CLCN3: variants seen among roughly 807,000 people sequenced by gnomAD.
CLCN3 encodes the protein Cl-/H+ antiporter 3, also known as H(+)/Cl(-) exchange transporter 3.
A neutral mutation model predicts 83.4 loss-of-function variants in CLCN3; 16 were observed. That is an observed-to-expected ratio of 0.19 (90% confidence interval 0.13 to 0.29). The LOEUF (loss-of-function observed/expected upper bound fraction) is 0.29, where lower values mean the gene tolerates loss of function less well. CLCN3 is among the 10% of genes least tolerant of loss of function. The pLI is 1.00. For synonymous variants in CLCN3, 322 were observed against 346.2 expected (o/e 0.93, Z 0.78); for missense variants, 544 against 1,006.0 (o/e 0.54, Z 6.21).
chr4:169,717,881 T>G, intron 12 of CLCN3: 1 of 1,555,988 alleles, frequency 6.4e-7, no homozygotes, highest in Non-Finnish European at 8.9e-7. Flanking sequence ...ATTAGATATA[T>G]CAGATCTCCT....
At chr4:169,667,225 C>G (rs1731277978) in intron 2 of CLCN3, among the ~76,000 whole-genome samples, 1 of 151,848 alleles carries the variant, frequency 6.6e-6, no homozygotes, top group African/African-American at 2.4e-5. Context: ...AGCCAGTTGT[C>G]CCAGCATCAT....
intron 2 of CLCN3, among the ~76,000 whole-genome samples, chr4:169,672,069 G>A (rs533266777): frequency 2.6e-4 from 39 of 152,018 alleles, no homozygotes; most frequent in Admixed American, 9.8e-4. Context: ...AAAATTAGCC[G>A]GGCGTGGTGG....
chr4:169,627,099 C>T (rs549048141), intron 1 of CLCN3, among the ~76,000 whole-genome samples: 2 of 152,162 alleles, frequency 1.3e-5, no homozygotes, highest in South Asian at 2.1e-4. Context: ...TCATGGTTTC[C>T]CCTGTGTATA....
intron 2 of CLCN3, among the ~76,000 whole-genome samples, chr4:169,659,262 A>C (rs767273587): frequency 6.6e-6 from 1 of 152,178 alleles, no homozygotes; most frequent in Non-Finnish European, 1.5e-5. Flanking sequence ...TCTGATCTTC[A>C]ATAAGCATTG....
intron 1 of CLCN3, among the ~76,000 whole-genome samples, chr4:169,621,287 GAAT>G (rs1293233373): frequency 6.6e-6 from 1 of 152,188 alleles, no homozygotes; most frequent in Non-Finnish European, 1.5e-5. Flanking sequence ...AAGGACCTCT[GAAT>G]AAAATGGAAG....
chr4:169,676,608 A>T, intron 2 of CLCN3, among the ~76,000 whole-genome samples: 1 of 148,084 alleles, frequency 6.8e-6, no homozygotes, highest in Non-Finnish European at 1.5e-5. Flanking sequence ...AACTTAGCCT[A>T]CTGAGTAGCT....
intron 12 of CLCN3, among the ~76,000 whole-genome samples, chr4:169,716,520 A>T (rs1279428240): frequency 6.6e-6 from 1 of 152,186 alleles, no homozygotes; most frequent in Non-Finnish European, 1.5e-5. Flanking sequence ...TGGCTTAAAA[A>T]AAAGAAATCT....
chr4:169,692,357 T>A, intron 7 of CLCN3, 37 bp downstream of exon 7: 1 of 1,020,330 alleles, frequency 9.8e-7, no homozygotes, highest in Non-Finnish European at 1.5e-6. Flanking sequence ...CTGAAAAATA[T>A]ATATTATATA....
chr4:169,648,748 C>T (rs1305722941), intron 2 of CLCN3, among the ~76,000 whole-genome samples: 1 of 152,120 alleles, frequency 6.6e-6, no homozygotes, highest in Admixed American at 6.6e-5. Flanking sequence ...GAATGTCAGC[C>T]AGGCACAGTG....
intron 3 of CLCN3, chr4:169,680,482 A>T: frequency 3.6e-6 from 1 of 281,384 alleles, no homozygotes; most frequent in South Asian, 5.7e-5. Flanking sequence ...AATACAGCAC[A>T]GGAGTTGGGG....
At chr4:169,658,189 T>C (rs1160902688) in intron 2 of CLCN3, among the ~76,000 whole-genome samples, 1 of 151,904 alleles carries the variant, frequency 6.6e-6, no homozygotes, top group Admixed American at 6.6e-5. Flanking sequence ...TGCTAAGGGC[T>C]TGATGTGTTT....
chr4:169,658,644 T>TA (rs980224274), intron 2 of CLCN3, among the ~76,000 whole-genome samples: 2 of 151,984 alleles, frequency 1.3e-5, no homozygotes, highest in African/African-American at 2.4e-5. Flanking sequence ...TTTCCTTGTT[T>TA]AAAAAAACTA....
At chr4:169,673,765 A>G (rs1419742128) in intron 2 of CLCN3, among the ~76,000 whole-genome samples, 2 of 152,200 alleles carry the variant, frequency 1.3e-5, no homozygotes, top group Admixed American at 1.3e-4. Flanking sequence ...TTCCTGAAAT[A>G]TTAATATTTT....
At chr4:169,669,156 G>T (rs1731364808) in intron 2 of CLCN3, among the ~76,000 whole-genome samples, 2 of 152,198 alleles carry the variant, frequency 1.3e-5, no homozygotes, top group Admixed American at 1.3e-4. Context: ...ATTATTTTAA[G>T]TTTGGAAATA....
At chr4:169,668,043 A>ATTTGTTTTTT (rs1560845763) in intron 2 of CLCN3, among the ~76,000 whole-genome samples, 2 of 82,326 alleles carry the variant, frequency 2.4e-5, no homozygotes, top group Non-Finnish European at 4.9e-5. Context: ...CCGGCCAGAC[A>ATTTGTTTTTT]TTTTTTTTTT....
rs945439283 is a variant in CLCN3, at chr4:169,721,329, A to T, written c.*1332A>T. The T allele has an allele frequency of 2.0e-5, 3 of 152,198 alleles. No homozygotes were observed. Among genetic ancestry groups the T allele is most frequent in the Admixed American group, 6.5e-5 (1 of 15,278 alleles). 9.4% of individuals were successfully genotyped at this position (152,198 alleles called of 1,614,324 possible). A position where few individuals can be genotyped will look rare whatever the true frequency, so the allele number is the denominator to read the frequency against. Reference sequence around the variant, plus strand: ...AAGTTTACAGTGGGAACAAAGGTTTAAAAAAAGGTTGTGGTTCTCTCTCTG... The same window carrying T: ...AAGTTTACAGTGGGAACAAAGGTTTTAAAAAAGGTTGTGGTTCTCTCTCTG... On this transcript the variant is annotated 3_prime_UTR_variant, in exon 13 of 13. Coordinates refer to ENST00000513761, the MANE Select transcript of CLCN3 (RefSeq NM_001829.4).
chr4:169,715,738 C>T (rs1029890984), intron 12 of CLCN3, among the ~76,000 whole-genome samples: 2 of 151,920 alleles, frequency 1.3e-5, no homozygotes, highest in African/African-American at 4.8e-5. Flanking sequence ...TATTGGTTTT[C>T]TGCACTTTAT....
intron 11 of CLCN3, among the ~76,000 whole-genome samples, chr4:169,709,671 C>T (rs1733132898): frequency 6.7e-6 from 1 of 148,666 alleles, no homozygotes; most frequent in African/African-American, 2.5e-5. Context: ...GAGCAAAACC[C>T]TGTCTCAAAA....
In CLCN3 at chr4:169,692,260, C is replaced by T. The variant is rs148356007; in HGVS notation, c.876C>T (p.Cys292=). Residue 292 remains cysteine, a synonymous_variant, in exon 7 of 13, where the codon TGC becomes TGT. Coordinates refer to ENST00000513761, the MANE Select transcript of CLCN3 (RefSeq NM_001829.4). ...CCCTGGTACATGTTGCCTGTTGCTG[C>T]GGAAATATCTTTTCCTACCTCTTTC... ...EGPLVHVACC[C]GNIFSYLFPK... is the part of the protein sequence containing the mutation. 95 of 1,613,192 alleles carry T rather than the reference C, an allele frequency of 5.9e-5. No homozygotes were observed. The highest frequency in any genetic ancestry group is 3.9e-4 in the African/African-American group (29 of 74,964).
Sources: allele counts gnomAD v4.1 joint callset (sites outside exome capture counted in the v4.1 genomes callset), GRCh38; gene constraint gnomAD v4.1.1; transcripts MANE v1.5; gene names NCBI Gene and HGNC (gene_info 2026-07-23, HGNC 2026-07-21).